The following NOS2 variants were observed in gnomAD, a reference collection of about 807,000 sequenced individuals.
The protein encoded by NOS2 is nitric oxide synthase 2.
NOS2 carries 96 observed loss-of-function variants against 136.0 expected under a neutral mutation model. The observed-to-expected ratio is 0.71, with a 90% CI of 0.60 to 0.84. The LOEUF is 0.84. Among genes scored for constraint, NOS2 ranks in the 40% least tolerant of loss-of-function variants. The pLI, the probability that NOS2 is intolerant of heterozygous loss-of-function variation, is 0.00. For synonymous variants in NOS2, 539 were observed against 587.5 expected, an observed-to-expected ratio of 0.92 and a Z score of 1.20; for missense variants, 1,237 against 1,496.9, an observed-to-expected ratio of 0.83 and a Z score of 2.87.
At chr17:27,782,190 T>C (rs1461769034) in intron 6 of NOS2, 84 bp from the exon 7 acceptor site, 2 of 1,203,374 alleles carry the variant, frequency 1.7e-6, no homozygotes, top group African/African-American at 1.5e-5. Context: ...TGGGAATCAA[T>C]AGTGCAGCCG....
chr17:27,792,898 G>A (rs1390999348), intron 2 of NOS2, among the ~76,000 whole-genome samples: 1 of 152,102 alleles, frequency 6.6e-6, no homozygotes, highest in Admixed American at 6.5e-5. Context: ...GCTAAGGTGG[G>A]AGGATCACCT....
intron 9 of NOS2, among the ~76,000 whole-genome samples, chr17:27,780,436 G>A (rs1908805245): frequency 6.6e-6 from 1 of 152,172 alleles, no homozygotes; most frequent in African/African-American, 2.4e-5. Flanking sequence ...ATTGGCAGGA[G>A]GGCAGAAGAG....
At chr17:27,784,985 T>C (rs1231281338) in intron 5 of NOS2, among the ~76,000 whole-genome samples, 1 of 152,160 alleles carries the variant, frequency 6.6e-6, no homozygotes, top group Admixed American at 6.6e-5. Flanking sequence ...CTGCTGGGCT[T>C]CTGAACACCC....
chr17:27,796,552 T>C (rs1567644535), intron 2 of NOS2, among the ~76,000 whole-genome samples: 1 of 152,176 alleles, frequency 6.6e-6, no homozygotes, highest in Non-Finnish European at 1.5e-5. Context: ...GCACAGGCAC[T>C]GGGGAGCTGA....
chr17:27,779,837 A>C (rs905702379), intron 9 of NOS2, among the ~76,000 whole-genome samples: 3 of 152,206 alleles, frequency 2.0e-5, no homozygotes, highest in Non-Finnish European at 4.4e-5. Flanking sequence ...CATAGCATCA[A>C]ATTCATGGAA....
intron 25 of NOS2, among the ~76,000 whole-genome samples, chr17:27,759,811 G>A (rs565052074): frequency 8.5e-5 from 13 of 152,258 alleles, no homozygotes; most frequent in Middle Eastern, 3.4e-3. Context: ...GGGTTAACCC[G>A]CGTGTGACCT....
intron 11 of NOS2, among the ~76,000 whole-genome samples, chr17:27,777,273 G>A (rs977436970): frequency 6.6e-6 from 1 of 152,246 alleles, no homozygotes; most frequent in African/African-American, 2.4e-5. Flanking sequence ...CTGAATGAAT[G>A]AATGACTGAC....
In NOS2 at chr17:27,772,323, A is replaced by G. The variant is rs1908522275; in HGVS notation, c.1689T>C (p.Cys563=). The G allele has an allele frequency of 1.2e-6, 2 of 1,614,170 alleles. No homozygotes were observed. Among genetic ancestry groups the G allele is most frequent in the South Asian group, 2.2e-5 (2 of 91,082 alleles). The change falls in exon 14 of 27, where the codon TGT becomes TGC. Residue 563 remains cysteine (C), a synonymous_variant. Coordinates refer to ENST00000313735, the MANE Select transcript of NOS2 (RefSeq NM_000625.4). ...GAGCCAGTACCTTGGGGTTGAAGGC[A>G]CAGCTGAATAAGGCCCCCAGGTCCC... The part of the protein sequence containing the change: ...LAWDLGALFS[C]AFNPKVVCMD...
At chr17:27,796,501 G>A (rs1909360570) in intron 2 of NOS2, among the ~76,000 whole-genome samples, 1 of 152,106 alleles carries the variant, frequency 6.6e-6, no homozygotes, top group Non-Finnish European at 1.5e-5. Context: ...AAAAATAGGG[G>A]ATGAGTTGGG....
intron 26 of NOS2, 39 bp from the exon 27 acceptor site, chr17:27,757,392 G>A (rs868777558): frequency 6.3e-7 from 1 of 1,581,338 alleles, no homozygotes. Context: ...TCAAGTCCAG[G>A]CTGGGATGAG....
chr17:27,760,978 T>C (rs1454834696), intron 23 of NOS2, among the ~76,000 whole-genome samples, 166 bp downstream of exon 23: 1 of 152,212 alleles, frequency 6.6e-6, no homozygotes, highest in Non-Finnish European at 1.5e-5. Flanking sequence ...GAGACCCACC[T>C]GTCATCGCTG....
rs562016894 is a variant in NOS2, at chr17:27,756,944, G to C, written c.*302C>G. 9.0e-5 allele frequency: 32 copies of C among 354,772 alleles called. No individual in the cohort carries two copies. The East Asian group carries it at 1.6e-3, about 18-fold the overall frequency. The allele number at this position is 354,772 out of a possible 1,614,324, so 22.0% of individuals were successfully genotyped here. A position where few individuals can be genotyped will look rare whatever the true frequency, so the allele number is the denominator to read the frequency against. ...CGATAGCACCTCCTGGTGGTCACTT[G>C]AAGTGGTGCACTCAGCAGCAAGTTC... is the stretch of plus-strand genomic sequence containing the variant. On this transcript the variant is annotated 3_prime_UTR_variant, in exon 27 of 27. Transcript: ENST00000313735.
Position 27,757,151 on chromosome 17 carries a change from T to A in NOS2, c.*95A>T. 1.1e-6 allele frequency: 1 copy of A among 922,790 alleles called. No individual in the cohort carries two copies. Among genetic ancestry groups the A allele is most frequent in the Non-Finnish European group, 1.6e-6 (1 of 606,070 alleles). 57.2% of individuals were successfully genotyped at this position (922,790 alleles called of 1,614,324 possible). A position where few individuals can be genotyped will look rare whatever the true frequency, so the allele number is the denominator to read the frequency against. On this transcript the variant is annotated 3_prime_UTR_variant, in exon 27 of 27. Transcript: ENST00000313735. ...GACTTGAGGCTGGGGGATATCACTT[T>A]CCTCCATCTCCCCAGGCCCTGTGAC...
chr17:27,758,953 G>A lies in NOS2; in HGVS notation c.3282C>T (p.Thr1094=), dbSNP rs1271156259. ...DVRMARDVAH[T]LKQLVAAKLK... Reference sequence around the variant, plus strand: ...GCTTGGCAGCCACCAGCTGCTTCAGGGTGTGGGCCACGTCCCGGGCCATGC... The same window carrying A: ...GCTTGGCAGCCACCAGCTGCTTCAGAGTGTGGGCCACGTCCCGGGCCATGC... Residue 1094 remains threonine (T), a synonymous_variant, in exon 26 of 27, where the codon ACC becomes ACT. Transcript: ENST00000313735. 2 of 1,612,498 alleles carry A rather than the reference G, an allele frequency of 1.2e-6. No homozygotes were observed. The highest frequency in any genetic ancestry group is 1.7e-6 in the Non-Finnish European group (2 of 1,179,404).
At chr17:27,772,488 T>C in intron 13 of NOS2, 36 bp from the exon 14 acceptor site, 1 of 1,608,096 alleles carries the variant, frequency 6.2e-7, no homozygotes. Context: ...CGCTGTGTGC[T>C]GAGTCAGCCT....
chr17:27,772,370 C>T lies in NOS2; in HGVS notation c.1642G>A (p.Gly548Arg). 6.2e-7 allele frequency: 1 copy of T among 1,614,156 alleles called. No individual in the cohort carries two copies. The highest frequency in any genetic ancestry group is 1.1e-5 in the South Asian group (1 of 91,086). Residue 548 changes from glycine to arginine, a missense_variant, in exon 14 of 27, where the codon GGA becomes AGA. Coordinates refer to ENST00000313735, the MANE Select transcript of NOS2 (RefSeq NM_000625.4). ...RVTILFATET[G>R]KSEALAWDLG... The stretch of plus-strand genomic sequence containing the variant: ...TCCCAGGCCAGCGCCTCTGATTTTC[C>T]TGTCTCTGTCGCAAAGAGGATGGTG...
At chr17:27,798,322 C>T (rs1909418013) in intron 2 of NOS2, among the ~76,000 whole-genome samples, 1 of 152,176 alleles carries the variant, frequency 6.6e-6, no homozygotes, top group South Asian at 2.1e-4. Context: ...AAGCATCTAG[C>T]AAGCGGTGAA....
intron 7 of NOS2, among the ~76,000 whole-genome samples, chr17:27,781,550 C>T (rs916085823): frequency 2.6e-5 from 4 of 152,168 alleles, no homozygotes; most frequent in Non-Finnish European, 5.9e-5. Context: ...CCCCATCTTC[C>T]CCCTGCTCTC....
chr17:27,761,051 C>T (rs947586838), intron 23 of NOS2, 93 bp downstream of exon 23: 4 of 1,213,444 alleles, frequency 3.3e-6, no homozygotes, highest in Non-Finnish European at 4.5e-6. Context: ...CAAGGGGCTC[C>T]GAGCGTCTCC....
Sources: allele counts gnomAD v4.1 joint callset (sites outside exome capture counted in the v4.1 genomes callset), GRCh38; gene constraint gnomAD v4.1.1; transcripts MANE v1.5; gene names NCBI Gene and HGNC (gene_info 2026-07-23, HGNC 2026-07-21).